The following MYO1E variants were observed in gnomAD, a reference collection of about 807,000 sequenced individuals.
MYO1E encodes the protein myosin IE, also known as unconventional myosin-Ie.
MYO1E carries 68 observed loss-of-function variants against 151.1 expected under a neutral mutation model. That is an observed-to-expected ratio of 0.45 (90% CI 0.37 to 0.55). The LOEUF is 0.55. MYO1E is among the 20% of genes least tolerant of loss of function. The pLI, the probability that MYO1E is intolerant of heterozygous loss-of-function variation, is 0.00. For missense variants in MYO1E, 1,363 were observed against 1,389.3 expected (o/e 0.98, Z 0.30); for synonymous variants, 601 against 501.7 (o/e 1.20, Z -2.64).
chr15:59,231,479 T>C (rs990291066), intron 6 of MYO1E, among the ~76,000 whole-genome samples: 39 of 152,304 alleles, frequency 2.6e-4, no homozygotes, highest in African/African-American at 8.9e-4. Context: ...GCAACTGATG[T>C]GGAAAATGAT....
In MYO1E at chr15:59,218,007, T is replaced by G; in HGVS notation, c.991A>C (p.Lys331Gln). The change falls in exon 10 of 28, where the codon AAG becomes CAG. Residue 331 changes from lysine to glutamine, a missense_variant. Transcript: ENST00000288235. The stretch of plus-strand genomic sequence containing the variant: ...ATGGATTCGGATTTGCCTCCCCACT[T>G]GCTATCCATCTGCCGGCTTGTTAGC... ...EKLTSRQMDS[K>Q]WGGKSESIHV... 6.2e-7 allele frequency: 1 copy of G among 1,614,216 alleles called. No individual in the cohort carries two copies. The highest frequency in any genetic ancestry group is 8.5e-7 in the Non-Finnish European group (1 of 1,180,030).
intron 1 of MYO1E, among the ~76,000 whole-genome samples, chr15:59,311,966 T>C (rs539025578): frequency 1.3e-5 from 2 of 152,222 alleles, no homozygotes; most frequent in East Asian, 3.8e-4. Context: ...CCCTCGATCA[T>C]GAACTTCCCA....
At chr15:59,138,500 C>T (rs1184600560) in intron 26 of MYO1E, 133 bp from the exon 27 acceptor site, 1 of 950,576 alleles carries the variant, frequency 1.1e-6, no homozygotes, top group African/African-American at 1.6e-5. Context: ...AGACATGTGG[C>T]CCAGGGTGCA....
chr15:59,290,100 C>T (rs2140396034), intron 1 of MYO1E, among the ~76,000 whole-genome samples: 1 of 152,162 alleles, frequency 6.6e-6, no homozygotes, highest in East Asian at 1.9e-4. Flanking sequence ...CAGGGAGGTA[C>T]TGTGATCCCC....
chr15:59,179,316 A>G (rs756076116), intron 18 of MYO1E, among the ~76,000 whole-genome samples: 3 of 151,940 alleles, frequency 2.0e-5, no homozygotes, highest in Non-Finnish European at 4.4e-5. Context: ...TTTCCTTCAG[A>G]GCATGTACTC....
At chr15:59,227,664 G>C in intron 6 of MYO1E, 74 bp from the exon 7 acceptor site, 2 of 1,550,022 alleles carry the variant, frequency 1.3e-6, no homozygotes, top group East Asian at 4.5e-5. Flanking sequence ...TTTGAATACA[G>C]TATATAATTC....
At chr15:59,302,790 T>C (rs1401894612) in intron 1 of MYO1E, among the ~76,000 whole-genome samples, 1 of 152,186 alleles carries the variant, frequency 6.6e-6, no homozygotes, top group Admixed American at 6.5e-5. Context: ...ATATAAATTA[T>C]ACAAATATGT....
chr15:59,176,134 C>A (rs1347059229), intron 19 of MYO1E, among the ~76,000 whole-genome samples: 1 of 152,204 alleles, frequency 6.6e-6, no homozygotes, highest in African/African-American at 2.4e-5. Flanking sequence ...TCTCGGCCCA[C>A]TGCAAGCTCT....
At chr15:59,239,356 C>T (rs1447744166) in intron 4 of MYO1E, among the ~76,000 whole-genome samples, 1 of 151,550 alleles carries the variant, frequency 6.6e-6, no homozygotes, top group Non-Finnish European at 1.5e-5. Context: ...CAACTTCCTA[C>T]ATATCACCAT....
At chr15:59,272,782 G>T (rs1251102774) in intron 1 of MYO1E, among the ~76,000 whole-genome samples, 6 of 152,316 alleles carry the variant, frequency 3.9e-5, no homozygotes, top group Non-Finnish European at 7.4e-5. Context: ...GCTAAACAGT[G>T]TCAGGAATAC....
At position 59,350,607 on chromosome 15, in the gene MYO1E, G is replaced by C. The variant is rs1355148279; in HGVS notation, c.3+21891C>G. ...AACTGCCAGATAACCAGGGAATGTC[G>C]AGAGTGTACAGGAATGTGGGAAGGC... On this transcript the variant is annotated intron_variant, in intron 1 of 27. Transcript: ENST00000288235. This position sits in a 1 kb window ranked among gnomAD's most constrained non-coding sequence, Gnocchi z 5.0. Among the ~76,000 whole-genome samples, 1 of 152,246 alleles carries C rather than the reference G, an allele frequency of 6.6e-6. No homozygotes were observed.
intron 1 of MYO1E, among the ~76,000 whole-genome samples, chr15:59,292,560 C>T (rs183895632): frequency 1.3e-5 from 2 of 152,314 alleles, no homozygotes; most frequent in Non-Finnish European, 2.9e-5. Flanking sequence ...TTCTGGTTTG[C>T]CCCATTGTGT....
At chr15:59,287,717 C>T (rs1460164351) in intron 1 of MYO1E, among the ~76,000 whole-genome samples, 4 of 152,162 alleles carry the variant, frequency 2.6e-5, no homozygotes, top group Non-Finnish European at 5.9e-5. Flanking sequence ...CAAAGACATG[C>T]ACATTGAGTA....
intron 1 of MYO1E, among the ~76,000 whole-genome samples, chr15:59,323,955 A>G (rs2080645616): frequency 6.6e-6 from 1 of 152,038 alleles, no homozygotes; most frequent in South Asian, 2.1e-4. Context: ...CTCCAGCTCC[A>G]TGGTGAGAAA....
rs1290433089 is a variant in MYO1E, at chr15:59,339,816, C to T, written c.3+32682G>A. 3.3e-5 allele frequency among the ~76,000 whole-genome samples: 5 copies of T among 151,898 alleles called. No homozygotes were observed. The East Asian group carries it at 5.8e-4, about 18-fold the overall frequency. On this transcript the variant is annotated intron_variant, in intron 1 of 27. Transcript: ENST00000288235. ...CAGCCTAGACAATATAGCGAGATAC[C>T]TTCTCTACAAAATTTTATATATACA...
intron 1 of MYO1E, among the ~76,000 whole-genome samples, chr15:59,338,826 G>A (rs1483766683): frequency 6.6e-6 from 1 of 152,150 alleles, no homozygotes; most frequent in Non-Finnish European, 1.5e-5. Flanking sequence ...ACAATGAAGA[G>A]TGCACCCTAT....
rs1255563004 is a variant in MYO1E, at chr15:59,272,469, AATT to A, written c.4-23_4-21del. On this transcript the variant is annotated intron_variant, in intron 1 of 27. Coordinates refer to ENST00000288235, the MANE Select transcript of MYO1E (RefSeq NM_004998.4). ...GCTTCCCTGGGAACATAAAACATACAATTACTAGGATAGTTTGTTTTCCCCTGT... is the reference window on the plus strand; with the variant it reads ...GCTTCCCTGGGAACATAAAACATACAACTAGGATAGTTTGTTTTCCCCTGT... The A allele has an allele frequency of 6.2e-7, 1 of 1,613,408 alleles. No homozygotes were observed. The highest frequency in any genetic ancestry group is 1.1e-5 in the South Asian group (1 of 91,070).
intron 1 of MYO1E, among the ~76,000 whole-genome samples, chr15:59,334,477 TAAA>T (rs11287543): frequency 1.4e-5 from 2 of 145,826 alleles, no homozygotes; most frequent in Admixed American, 6.8e-5. Context: ...TTGTTTTTCT[TAAA>T]AAAAAAAAAA....
At chr15:59,161,362 C>G (rs1297632013) in intron 23 of MYO1E, 132 bp from the exon 24 acceptor site, 1 of 1,059,002 alleles carries the variant, frequency 9.4e-7, no homozygotes, top group East Asian at 2.6e-5. Context: ...ACACCAGGAG[C>G]AGGGCCCTGA....
Sources: gnomAD v4.1 joint callset for allele counts (sites outside exome capture counted in the v4.1 genomes callset) on GRCh38, gnomAD v4.1.1 for gene constraint, Gnocchi (gnomAD v3.1) non-coding constraint, MANE v1.5 for transcripts, NCBI Gene and HGNC (gene_info 2026-07-23, HGNC 2026-07-21) for gene names.